ST3GAL1: variants seen among roughly 807,000 people sequenced by gnomAD.
ST3GAL1 encodes the protein ST3 beta-galactoside alpha-2,3-sialyltransferase 1.
Under a neutral mutation model 34.1 loss-of-function variants are expected in ST3GAL1, and 16 were observed. The observed-to-expected ratio is 0.47, with a 90% CI of 0.32 to 0.71. The LOEUF is 0.71. Ranked by LOEUF, ST3GAL1 falls within the 30% of genes least tolerant of loss-of-function variation. ST3GAL1 has a pLI of 0.04. For synonymous variants in ST3GAL1, 191 were observed against 184.7 expected, an observed-to-expected ratio of 1.03 and a Z score of -0.28; for missense variants, 353 against 447.4, an observed-to-expected ratio of 0.79 and a Z score of 1.90.
intron 2 of ST3GAL1, among the ~76,000 whole-genome samples, chr8:133,535,746 C>T (rs1818293043): frequency 6.6e-6 from 1 of 152,044 alleles, no homozygotes; most frequent in African/African-American, 2.4e-5. Context: ...GCCCCAGCCT[C>T]CCAAAGTGCT....
At chr8:133,463,696 C>T (rs943584219) in intron 7 of ST3GAL1, among the ~76,000 whole-genome samples, 4 of 152,174 alleles carry the variant, frequency 2.6e-5, no homozygotes, top group African/African-American at 9.7e-5. Context: ...TGGGTTTTGG[C>T]CCCATTCCCC....
At chr8:133,548,492 C>T (rs1045522781) in intron 1 of ST3GAL1, among the ~76,000 whole-genome samples, 1 of 152,224 alleles carries the variant, frequency 6.6e-6, no homozygotes. Flanking sequence ...AGGGCAAGGG[C>T]ATGTCTGCCC....
intron 1 of ST3GAL1, among the ~76,000 whole-genome samples, chr8:133,551,594 GAAAGAAAGA>G (rs1308701554): frequency 3.3e-5 from 5 of 150,334 alleles, no homozygotes; most frequent in African/African-American, 1.2e-4. Flanking sequence ...AAGAAAGAAA[GAAAGAAAGA>G]AAGAAAGAAA....
chr8:133,535,887 A>G (rs923391664), intron 2 of ST3GAL1, among the ~76,000 whole-genome samples: 1 of 152,254 alleles, frequency 6.6e-6, no homozygotes, highest in Non-Finnish European at 1.5e-5. Context: ...TAGTATAAAT[A>G]CAACTTTTGT....
chr8:133,560,201 T>A (rs1179745018), intron 1 of ST3GAL1, among the ~76,000 whole-genome samples: 1 of 152,068 alleles, frequency 6.6e-6, no homozygotes, highest in East Asian at 1.9e-4. Flanking sequence ...CTACATTGCA[T>A]GTATGAAAAC....
At chr8:133,503,238 G>GCC (rs35189127) in intron 2 of ST3GAL1, among the ~76,000 whole-genome samples, 2 of 152,052 alleles carry the variant, frequency 1.3e-5, no homozygotes, top group East Asian at 1.9e-4. Flanking sequence ...GTATTCTAAC[G>GCC]CCCCCCAACA....
chr8:133,463,359 A>T (rs1815585049), intron 8 of ST3GAL1, 55 bp downstream of exon 8: 2 of 1,599,898 alleles, frequency 1.3e-6, no homozygotes, highest in South Asian at 2.2e-5. Context: ...CTTAGAGCAG[A>T]GCCTTAGATG....
At chr8:133,503,619 C>A (rs796642986) in intron 2 of ST3GAL1, among the ~76,000 whole-genome samples, 4 of 152,250 alleles carry the variant, frequency 2.6e-5, no homozygotes, top group African/African-American at 7.2e-5. Context: ...TGTGTCTAAC[C>A]CGCATGGACT....
intron 1 of ST3GAL1, among the ~76,000 whole-genome samples, chr8:133,554,730 C>CTTT (rs1263832188): frequency 1.5e-5 from 2 of 137,102 alleles, no homozygotes; most frequent in East Asian, 2.1e-4. Flanking sequence ...TATTTCTTTT[C>CTTT]TTTTTTTTTT....
chr8:133,510,543 G>A (rs1335737880), intron 2 of ST3GAL1, among the ~76,000 whole-genome samples: 1 of 152,102 alleles, frequency 6.6e-6, no homozygotes, highest in East Asian at 1.9e-4. Flanking sequence ...TCTGTAAAAT[G>A]GGAATGCAAG....
At chr8:133,539,447 C>A (rs539793978) in intron 2 of ST3GAL1, among the ~76,000 whole-genome samples, 2 of 152,194 alleles carry the variant, frequency 1.3e-5, no homozygotes, top group Non-Finnish European at 2.9e-5. Flanking sequence ...GGCTGCACCC[C>A]ACTTATCTAG....
intron 3 of ST3GAL1, among the ~76,000 whole-genome samples, chr8:133,484,840 G>A (rs763229248): frequency 5.9e-5 from 9 of 152,108 alleles, no homozygotes; most frequent in Non-Finnish European, 1.0e-4. Flanking sequence ...GCCTGATACC[G>A]CTGACCCTGG....
Position 133,459,735 on chromosome 8 carries a change from A to G in ST3GAL1, c.*29T>C. The G allele has an allele frequency of 1.3e-6, 2 of 1,582,008 alleles. No homozygotes were observed. Among genetic ancestry groups the G allele is most frequent in the Non-Finnish European group, 8.6e-7 (1 of 1,160,676 alleles). ...GGGGCTGGAAATGCAGAGGTGTGAC[A>G]GTGCGTCCATCCTCAGCCCTTCACT... is the stretch of plus-strand genomic sequence containing the variant. On this transcript the variant is annotated 3_prime_UTR_variant, in exon 10 of 10. Transcript: ENST00000522652. The surrounding 1 kb of genome is among the most constrained non-coding windows in gnomAD (Gnocchi z 4.7).
chr8:133,518,808 T>C (rs1817717521), intron 2 of ST3GAL1, among the ~76,000 whole-genome samples: 4 of 152,212 alleles, frequency 2.6e-5, no homozygotes. Flanking sequence ...GTGCTATTTT[T>C]AATCCCCAGC....
intron 2 of ST3GAL1, among the ~76,000 whole-genome samples, chr8:133,520,749 T>C (rs559855065): frequency 9.1e-4 from 137 of 150,510 alleles, no homozygotes; most frequent in African/African-American, 3.2e-3. Context: ...TGCCCAAAGA[T>C]GTTTATCATG....
chr8:133,551,595 A>C (rs1217072605), intron 1 of ST3GAL1, among the ~76,000 whole-genome samples: 8 of 150,856 alleles, frequency 5.3e-5, no homozygotes, highest in African/African-American at 2.0e-4. Context: ...AGAAAGAAAG[A>C]AAGAAAGAAA....
At chr8:133,531,800 G>A (rs1264051524) in intron 2 of ST3GAL1, among the ~76,000 whole-genome samples, 5 of 75,168 alleles carry the variant, frequency 6.7e-5, no homozygotes, top group Admixed American at 2.1e-4. Flanking sequence ...CTTGTATCCC[G>A]AAACTTAAAA....
chr8:133,477,443 A>C (rs1279445963), intron 3 of ST3GAL1, among the ~76,000 whole-genome samples: 15 of 152,250 alleles, frequency 9.9e-5, no homozygotes, highest in Admixed American at 9.2e-4. Context: ...ACTGAGACTC[A>C]AAGTGCTTAG....
chr8:133,511,927 C>T (rs1301094913), intron 2 of ST3GAL1, among the ~76,000 whole-genome samples: 2 of 152,114 alleles, frequency 1.3e-5, no homozygotes, highest in Non-Finnish European at 2.9e-5. Flanking sequence ...GTGGCATGCA[C>T]CTGTAGTCCC....
Sources: allele counts gnomAD v4.1 joint callset (sites outside exome capture counted in the v4.1 genomes callset), GRCh38; gene constraint gnomAD v4.1.1; non-coding constraint Gnocchi (gnomAD v3.1); transcripts MANE v1.5; gene names NCBI Gene and HGNC (gene_info 2026-07-23, HGNC 2026-07-21).